CLDN10: variants seen among roughly 807,000 people sequenced by gnomAD.
CLDN10 encodes the protein claudin 10.
Under a neutral mutation model 22.9 loss-of-function variants are expected in CLDN10, and 15 were observed. The observed-to-expected ratio is 0.65, with a 90% CI of 0.44 to 1.01. The LOEUF is 1.01. Among genes scored for constraint, CLDN10 ranks in the 50% least tolerant of loss-of-function variants. CLDN10 has a pLI of 0.00. For missense variants in CLDN10, 247 were observed against 287.8 expected (o/e 0.86, Z 1.03); for synonymous variants, 114 against 111.4 (o/e 1.02, Z -0.15).
chr13:95,577,968 AAAC>A lies in CLDN10; in HGVS notation c.647_649del (p.Thr216del), dbSNP rs1164644707. Reference sequence around the variant, plus strand: ...AAGTATCATGGTGGAGAAGATTTTAAAACAACAAACCCTTCAAAACAGTTTGAT... The same window carrying A: ...AAGTATCATGGTGGAGAAGATTTTAAAACAAACCCTTCAAAACAGTTTGAT... On this transcript the variant is annotated inframe_deletion, in exon 5 of 5. Transcript: ENST00000299339. 2.4e-5 allele frequency: 38 copies of A among 1,613,892 alleles called. No homozygotes were observed. Among genetic ancestry groups the A allele is most frequent in the African/African-American group, 1.5e-4 (11 of 75,058 alleles).
chr13:95,484,880 A>AAAAAAAAAG (rs1566295061), intron 1 of CLDN10, among the ~76,000 whole-genome samples: 74 of 148,686 alleles, frequency 5.0e-4, no homozygotes, highest in African/African-American at 1.8e-3. Flanking sequence ...AAAAAAAAAA[A>AAAAAAAAAG]AAAAAAAAAA....
chr13:95,563,190 T>G (rs1339192023), intron 3 of CLDN10, among the ~76,000 whole-genome samples: 2 of 148,014 alleles, frequency 1.4e-5, no homozygotes, highest in Non-Finnish European at 3.0e-5. Flanking sequence ...CTCACAGAAT[T>G]GCTGTGAGAG....
chr13:95,522,865 C>T (rs935932900), intron 1 of CLDN10, among the ~76,000 whole-genome samples: 2 of 151,866 alleles, frequency 1.3e-5, no homozygotes. Flanking sequence ...TATTAATAGA[C>T]ATCAGTCTTA....
rs931265865 is a variant in CLDN10, at chr13:95,578,893, G to A, written c.*879G>A. On this transcript the variant is annotated 3_prime_UTR_variant, in exon 5 of 5. Coordinates refer to ENST00000299339, the MANE Select transcript of CLDN10 (RefSeq NM_006984.5). ...TAATGGGGCCAATATATTATTGCCT[G>A]TCATGTGGCACATCCATGTTAAGGG... 1 of 152,188 alleles carries A rather than the reference G, an allele frequency of 6.6e-6. No individual in the cohort carries two copies. Among genetic ancestry groups the A allele is most frequent in the Non-Finnish European group, 1.5e-5 (1 of 68,038 alleles). The allele number at this position is 152,188 out of a possible 1,614,324, so 9.4% of individuals were successfully genotyped here. A position where few individuals can be genotyped will look rare whatever the true frequency, so the allele number is the denominator to read the frequency against.
At chr13:95,486,851 C>T (rs1003238710) in intron 1 of CLDN10, among the ~76,000 whole-genome samples, 3 of 152,202 alleles carry the variant, frequency 2.0e-5, no homozygotes, top group Admixed American at 2.0e-4. Context: ...TTTACCGCCT[C>T]AGTGTTCAAC....
At chr13:95,557,223 C>G (rs970150197) in intron 1 of CLDN10, among the ~76,000 whole-genome samples, 1 of 152,220 alleles carries the variant, frequency 6.6e-6, no homozygotes, top group Admixed American at 6.5e-5. Flanking sequence ...TAGCTATTAA[C>G]AGTGTCAGTA....
chr13:95,498,640 C>T (rs57371671), intron 1 of CLDN10, among the ~76,000 whole-genome samples: 11,782 of 152,230 alleles, frequency 0.077, 497 homozygotes, highest in Non-Finnish European at 0.086. Flanking sequence ...AGTGATCCAC[C>T]CATCTCAGCC....
intron 1 of CLDN10, among the ~76,000 whole-genome samples, chr13:95,547,070 G>A (rs2043517369): frequency 1.4e-5 from 2 of 139,698 alleles, no homozygotes; most frequent in South Asian, 4.7e-4. Flanking sequence ...TTTTTTAAGA[G>A]ATGGGGACTC....
rs2043946418 is a variant in CLDN10, at chr13:95,577,252, G to A, written c.486G>A (p.Leu162=). The A allele has an allele frequency of 6.2e-7, 1 of 1,613,944 alleles. No individual in the cohort carries two copies. ...ACAGGTATGAATTAGGAGCCGCTCTGTTTATTGGATGGGCAGGAGCCTCAC... is the reference window on the plus strand; with the variant it reads ...ACAGGTATGAATTAGGAGCCGCTCTATTTATTGGATGGGCAGGAGCCTCAC... ...VEQKYELGAA[L]FIGWAGASLC... Residue 162 remains leucine (L), a synonymous_variant, in exon 4 of 5, where the codon CTG becomes CTA. Transcript: ENST00000299339.
chr13:95,440,908 G>A (rs2042318316), intron 1 of CLDN10, among the ~76,000 whole-genome samples: 2 of 152,258 alleles, frequency 1.3e-5, no homozygotes, highest in Admixed American at 1.3e-4. Context: ...CATAGCAGCG[G>A]ACGACTGGAC....
At chr13:95,490,719 G>A (rs934357682) in intron 1 of CLDN10, among the ~76,000 whole-genome samples, 6 of 152,100 alleles carry the variant, frequency 3.9e-5, no homozygotes, top group Non-Finnish European at 7.4e-5. Flanking sequence ...TCCATGCTCT[G>A]TTGAATAGAA....
At chr13:95,476,269 G>A (rs1373377980) in intron 1 of CLDN10, among the ~76,000 whole-genome samples, 2 of 152,262 alleles carry the variant, frequency 1.3e-5, no homozygotes, top group East Asian at 1.9e-4. Flanking sequence ...GCCTTAGATC[G>A]GGTAACTCAT....
At chr13:95,555,833 T>G (rs9302081) in intron 1 of CLDN10, among the ~76,000 whole-genome samples, 104,115 of 151,996 alleles carry the variant, frequency 0.68, 35,994 homozygotes, top group East Asian at 0.85. Context: ...CATTCCCAGG[T>G]CAGCCACATC....
chr13:95,507,461 G>A (rs549634973), intron 1 of CLDN10, among the ~76,000 whole-genome samples: 1 of 151,930 alleles, frequency 6.6e-6, no homozygotes, highest in Admixed American at 6.6e-5. Context: ...TATTCTGAAG[G>A]ACATAAACCT....
intron 1 of CLDN10, among the ~76,000 whole-genome samples, chr13:95,508,890 A>G (rs1337157528): frequency 6.6e-6 from 1 of 152,202 alleles, no homozygotes; most frequent in Admixed American, 6.5e-5. Flanking sequence ...GTTGTTTCAT[A>G]AGGCCTTGTG....
chr13:95,550,820 CTTTTTTTTTTTTT>C (rs56225257), upstream of CLDN10, among the ~76,000 whole-genome samples: 2 of 85,530 alleles, frequency 2.3e-5, no homozygotes, highest in Non-Finnish European at 4.2e-5. Context: ...TAGGAAGATA[CTTTTTTTTTTTTT>C]TTTTTTTTTT....
intron 1 of CLDN10, among the ~76,000 whole-genome samples, chr13:95,435,708 C>T (rs1392506688): frequency 3.3e-5 from 5 of 152,236 alleles, no homozygotes; most frequent in South Asian, 4.2e-4. Flanking sequence ...CTCTTACAAT[C>T]GTTCTTTCTC....
At chr13:95,541,175 C>G (rs1157832494) in intron 1 of CLDN10, among the ~76,000 whole-genome samples, 4 of 152,242 alleles carry the variant, frequency 2.6e-5, no homozygotes, top group Non-Finnish European at 5.9e-5. Context: ...TAAAGGAAAT[C>G]AGGCCTTGTG....
chr13:95,504,540 C>T (rs2043018178), intron 1 of CLDN10, among the ~76,000 whole-genome samples: 1 of 151,730 alleles, frequency 6.6e-6, no homozygotes, highest in African/African-American at 2.4e-5. Flanking sequence ...CCACCACGCC[C>T]AGCTAATTTT....
Sources: gnomAD v4.1 joint callset for allele counts (sites outside exome capture counted in the v4.1 genomes callset) on GRCh38, gnomAD v4.1.1 for gene constraint, MANE v1.5 for transcripts, NCBI Gene and HGNC (gene_info 2026-07-23, HGNC 2026-07-21) for gene names.